The following OXR1 variants were observed in gnomAD, a reference collection of about 807,000 sequenced individuals.
The protein encoded by OXR1 is oxidation resistance 1.
Under a neutral mutation model 104.6 loss-of-function variants are expected in OXR1, and 41 were observed. That is an observed-to-expected ratio of 0.39 (90% CI 0.31 to 0.51). The LOEUF is 0.51. Among genes scored for constraint, OXR1 ranks in the 20% least tolerant of loss-of-function variants. The pLI is 0.77. For synonymous variants in OXR1, 348 were observed against 348.4 expected (o/e 1.00, Z 0.01); for missense variants, 955 against 1,031.9 (o/e 0.93, Z 1.02).
chr8:106,621,906 A>G (rs1586913498), intron 3 of OXR1, among the ~76,000 whole-genome samples: 2 of 152,296 alleles, frequency 1.3e-5, no homozygotes, highest in East Asian at 3.9e-4. Context: ...CTGGGGTTTA[A>G]AAAATGTTCC....
chr8:106,504,587 C>A (rs964515727), intron 2 of OXR1, among the ~76,000 whole-genome samples: 1 of 152,132 alleles, frequency 6.6e-6, no homozygotes, highest in Non-Finnish European at 1.5e-5. Context: ...AGAAATCTTA[C>A]ATTTCTATAG....
At chr8:106,340,198 T>C (rs994419294) in intron 1 of OXR1, among the ~76,000 whole-genome samples, 1 of 147,184 alleles carries the variant, frequency 6.8e-6, no homozygotes, top group East Asian at 1.9e-4. Flanking sequence ...TAGGATGTGA[T>C]TGGAACAGTT....
chr8:106,596,072 C>A (rs1179644978), intron 3 of OXR1, among the ~76,000 whole-genome samples: 2 of 151,922 alleles, frequency 1.3e-5, no homozygotes, highest in Non-Finnish European at 2.9e-5. Flanking sequence ...TTTATTCATT[C>A]CGTTTGTTCA....
At chr8:106,661,560 TTAAAAG>T (rs1825767670) in intron 3 of OXR1, among the ~76,000 whole-genome samples, 1 of 152,176 alleles carries the variant, frequency 6.6e-6, no homozygotes, top group Non-Finnish European at 1.5e-5. Context: ...TGTATAATCT[TTAAAAG>T]TACTCACTTC....
chr8:106,624,046 A>G (rs1010654714), intron 3 of OXR1, among the ~76,000 whole-genome samples: 9 of 152,200 alleles, frequency 5.9e-5, no homozygotes, highest in African/African-American at 2.2e-4. Context: ...GTGTCTGTTT[A>G]GTGTTTTCAT....
intron 5 of OXR1, 77 bp from the exon 6 acceptor site, chr8:106,684,169 A>G: frequency 1.5e-6 from 1 of 674,184 alleles, no homozygotes; most frequent in Non-Finnish European, 2.6e-6. Context: ...AATTGTTAAT[A>G]GTGCTTGCTT....
intron 2 of OXR1, among the ~76,000 whole-genome samples, chr8:106,447,209 GT>G (rs1202984999): frequency 6.6e-6 from 1 of 152,140 alleles, no homozygotes; most frequent in Non-Finnish European, 1.5e-5. Flanking sequence ...AGGCTAATCA[GT>G]TTGGTAACTT....
chr8:106,502,893 T>A (rs1475250649), intron 2 of OXR1, among the ~76,000 whole-genome samples: 1 of 152,114 alleles, frequency 6.6e-6, no homozygotes, highest in African/African-American at 2.4e-5. Flanking sequence ...TACAACTGAG[T>A]AAAAGGTAAT....
intron 3 of OXR1, among the ~76,000 whole-genome samples, chr8:106,620,473 A>G (rs1005547919): frequency 1.1e-4 from 16 of 152,070 alleles, no homozygotes; most frequent in African/African-American, 3.6e-4. Context: ...TTTTTTCCTT[A>G]CGTGGCTTAT....
intron 3 of OXR1, among the ~76,000 whole-genome samples, chr8:106,665,214 C>T (rs535914388): frequency 1.2e-4 from 18 of 152,062 alleles, no homozygotes; most frequent in South Asian, 1.0e-3. Flanking sequence ...CACACACACA[C>T]GCACACAAAC....
intron 7 of OXR1, chr8:106,698,152 A>T: frequency 1.6e-6 from 1 of 612,304 alleles, no homozygotes; most frequent in Non-Finnish European, 2.9e-6. Context: ...TTTTCAAAGG[A>T]TATTTTCACT....
At chr8:106,480,279 A>G (rs1230764640) in intron 2 of OXR1, among the ~76,000 whole-genome samples, 1 of 151,920 alleles carries the variant, frequency 6.6e-6, no homozygotes, top group Admixed American at 6.6e-5. Flanking sequence ...CTGCATTGTG[A>G]TATTTGTCCA....
chr8:106,433,367 G>A (rs577849939), intron 2 of OXR1, among the ~76,000 whole-genome samples: 24 of 152,292 alleles, frequency 1.6e-4, no homozygotes, highest in Admixed American at 1.2e-3. Flanking sequence ...TTACATTAGT[G>A]ATGTTACCCC....
chr8:106,445,799 T>G (rs1341597292), intron 2 of OXR1, among the ~76,000 whole-genome samples: 2 of 152,180 alleles, frequency 1.3e-5, no homozygotes, highest in African/African-American at 4.8e-5. Flanking sequence ...AAATCATATC[T>G]TCCTACTCCT....
At chr8:106,290,424 A>G (rs1376003621) in intron 1 of OXR1, among the ~76,000 whole-genome samples, 1 of 152,202 alleles carries the variant, frequency 6.6e-6, no homozygotes, top group African/African-American at 2.4e-5. Context: ...CCAAAAAGCA[A>G]TTGCAACAAA....
In OXR1 at chr8:106,340,657, TG is replaced by T. The variant is rs998205534; in HGVS notation, c.-138-18818del. On this transcript the variant is annotated intron_variant, in intron 1 of 16. Coordinates refer to ENST00000517566, the MANE Select transcript of OXR1 (RefSeq NM_001198533.2). ...TAGGATATAAATCAGAACAGCTTTT[TG>T]TGACAATTGCGGTGAAACAGCTTTT... Among the ~76,000 whole-genome samples the T allele has an allele frequency of 2.0e-5, 3 of 152,316 alleles. No individual in the cohort carries two copies. The East Asian group carries it at 5.8e-4, about 29-fold the overall frequency.
intron 3 of OXR1, among the ~76,000 whole-genome samples, chr8:106,622,634 C>T (rs1821814766): frequency 6.6e-6 from 1 of 152,056 alleles, no homozygotes; most frequent in African/African-American, 2.4e-5. Flanking sequence ...CCTAGAGATC[C>T]ACATAGCCAA....
intron 3 of OXR1, among the ~76,000 whole-genome samples, chr8:106,661,946 C>T (rs907703866): frequency 6.6e-5 from 10 of 152,286 alleles, no homozygotes; most frequent in South Asian, 2.1e-4. Flanking sequence ...GATGCATTAA[C>T]TCCTCTGATG....
chr8:106,346,701 TG>T, intron 1 of OXR1, among the ~76,000 whole-genome samples: 1 of 152,154 alleles, frequency 6.6e-6, no homozygotes, highest in East Asian at 1.9e-4. Flanking sequence ...GAATCTTCAG[TG>T]GTACTCTCTG....
Sources: allele counts gnomAD v4.1 joint callset (sites outside exome capture counted in the v4.1 genomes callset), GRCh38; gene constraint gnomAD v4.1.1; transcripts MANE v1.5; gene names NCBI Gene and HGNC (gene_info 2026-07-23, HGNC 2026-07-21).